The following RAB38 variants were observed in gnomAD, a reference collection of about 807,000 sequenced individuals.
The protein encoded by RAB38 is RAB38, member RAS oncogene family, also known as ras-related protein Rab-38.
In RAB38, 15 loss-of-function variants were observed where a neutral mutation model predicts 18.4. That is an observed-to-expected ratio of 0.82 (90% CI 0.55 to 1.26). RAB38 has a LOEUF of 1.26. Ranked by LOEUF, RAB38 falls within the 50% of genes most tolerant of loss-of-function variation. RAB38 has a pLI of 0.00. For synonymous variants in RAB38, 101 were observed against 104.4 expected, an observed-to-expected ratio of 0.97 and a Z score of 0.20; for missense variants, 294 against 267.4, an observed-to-expected ratio of 1.10 and a Z score of -0.69.
chr11:87,929,768 T>C, the RAB38 span, among the ~76,000 whole-genome samples: 1 of 134,292 alleles, frequency 7.4e-6, no homozygotes, highest in South Asian at 2.6e-4. Flanking sequence ...CCTGTGTCCA[T>C]GTGTTCTCAT....
the RAB38 span, among the ~76,000 whole-genome samples, chr11:87,975,984 T>C: frequency 1.3e-5 from 2 of 151,214 alleles, no homozygotes; most frequent in Non-Finnish European, 3.0e-5. Flanking sequence ...TAATCAATTG[T>C]TTGAAAAATA....
At chr11:88,077,033 A>C in the RAB38 span, among the ~76,000 whole-genome samples, 10,357 of 99,046 alleles carry the variant, frequency 0.1, 1,081 homozygotes, top group African/African-American at 0.27. Context: ...GAAAAGAAAG[A>C]AAGCAAGCAA....
chr11:88,160,435 C>T (rs576408913), intron 1 of RAB38, among the ~76,000 whole-genome samples: 1 of 152,060 alleles, frequency 6.6e-6, no homozygotes, highest in Non-Finnish European at 1.5e-5. Context: ...TCTCAAAGAA[C>T]TTAAAACAGA....
chr11:87,858,241 G>T, the RAB38 span, among the ~76,000 whole-genome samples: 14 of 152,230 alleles, frequency 9.2e-5, no homozygotes, highest in African/African-American at 3.4e-4. Flanking sequence ...TTTGGTACCA[G>T]TATGCCTGGA....
At chr11:88,168,142 T>C (rs371303426) in intron 1 of RAB38, among the ~76,000 whole-genome samples, 1 of 152,200 alleles carries the variant, frequency 6.6e-6, no homozygotes, top group African/African-American at 2.4e-5. Context: ...CCAGGTGTCA[T>C]GTTCTACTTA....
chr11:87,842,367 G>T, the RAB38 span, among the ~76,000 whole-genome samples: 4,727 of 152,074 alleles, frequency 0.031, 227 homozygotes, highest in African/African-American at 0.11. Context: ...TTGGGAGGGG[G>T]GTTTCAGGAG....
chr11:88,025,719 G>C, the RAB38 span, among the ~76,000 whole-genome samples: 3 of 152,094 alleles, frequency 2.0e-5, no homozygotes, highest in Non-Finnish European at 4.4e-5. Flanking sequence ...TAATGGGGCT[G>C]TGTGTTTTTT....
the RAB38 span, among the ~76,000 whole-genome samples, chr11:87,822,600 C>G: frequency 6.6e-6 from 1 of 152,180 alleles, no homozygotes; most frequent in Non-Finnish European, 1.5e-5. Context: ...TGCTATCTTA[C>G]CATAGACAGC....
chr11:88,018,551 C>T, the RAB38 span, among the ~76,000 whole-genome samples: 17 of 152,150 alleles, frequency 1.1e-4, no homozygotes, highest in Admixed American at 7.9e-4. Flanking sequence ...CTACTCCTGA[C>T]ATGTCTCTGT....
chr11:88,112,240 G>A (rs1942483070), downstream of RAB38, among the ~76,000 whole-genome samples: 1 of 152,156 alleles, frequency 6.6e-6, no homozygotes, highest in South Asian at 2.1e-4. Flanking sequence ...CTGCAACACA[G>A]ATCATCCTTT....
chr11:88,068,104 TA>T, the RAB38 span, among the ~76,000 whole-genome samples: 1 of 151,690 alleles, frequency 6.6e-6, no homozygotes, highest in Non-Finnish European at 1.5e-5. Context: ...CGAAAAGACC[TA>T]CTGAAATCTC....
chr11:87,852,262 C>T, the RAB38 span, among the ~76,000 whole-genome samples: 32 of 152,180 alleles, frequency 2.1e-4, 1 homozygote, highest in Admixed American at 5.2e-4. Context: ...GGGAGAAGGT[C>T]AGAGGAAAGG....
the RAB38 span, among the ~76,000 whole-genome samples, chr11:87,884,701 C>G: frequency 6.6e-6 from 1 of 151,870 alleles, no homozygotes; most frequent in Non-Finnish European, 1.5e-5. Flanking sequence ...GTCTCTATGA[C>G]TAGATGGGCA....
the RAB38 span, among the ~76,000 whole-genome samples, chr11:88,004,066 C>T: frequency 1.4e-5 from 2 of 142,094 alleles, no homozygotes; most frequent in Non-Finnish European, 3.1e-5. Context: ...TATATACCTT[C>T]TCAGAAAAGA....
chr11:88,156,593 T>C (rs925704486), intron 1 of RAB38, among the ~76,000 whole-genome samples: 2 of 152,062 alleles, frequency 1.3e-5, no homozygotes, highest in Non-Finnish European at 2.9e-5. Context: ...TCCCAGCTAC[T>C]TGGGAGGCTG....
chr11:88,031,385 T>C, the RAB38 span, among the ~76,000 whole-genome samples: 88 of 148,868 alleles, frequency 5.9e-4, no homozygotes, highest in Admixed American at 4.9e-3. Flanking sequence ...CCAGGGCAAT[T>C]AGGCAGGAGA....
chr11:87,851,852 A>T, the RAB38 span, among the ~76,000 whole-genome samples: 1 of 152,148 alleles, frequency 6.6e-6, no homozygotes, highest in African/African-American at 2.4e-5. Flanking sequence ...AGACACTTTT[A>T]GGGTCTCTAG....
chr11:88,063,335 C>T, the RAB38 span, among the ~76,000 whole-genome samples: 1 of 151,992 alleles, frequency 6.6e-6, no homozygotes, highest in African/African-American at 2.4e-5. Flanking sequence ...TTGAAATTAC[C>T]CTTTAGGTTT....
intron 2 of RAB38, among the ~76,000 whole-genome samples, chr11:88,121,780 T>C (rs945288701): frequency 1.3e-5 from 2 of 152,168 alleles, no homozygotes; most frequent in Non-Finnish European, 2.9e-5. Context: ...GCCAGGATGC[T>C]CTCGATCTCC....
Sources: gnomAD v4.1 joint callset for allele counts (sites outside exome capture counted in the v4.1 genomes callset) on GRCh38, gnomAD v4.1.1 for gene constraint, MANE v1.5 for transcripts, NCBI Gene and HGNC (gene_info 2026-07-23, HGNC 2026-07-21) for gene names.